The following AGAP1 variants were observed in gnomAD, a reference collection of about 807,000 sequenced individuals.
The protein encoded by AGAP1 is arf-GAP with GTPase, ANK repeat and PH domain-containing protein 1.
Under a neutral mutation model 105.3 loss-of-function variants are expected in AGAP1, and 29 were observed. That is an observed-to-expected ratio of 0.28 (90% CI 0.21 to 0.38). The LOEUF (loss-of-function observed/expected upper bound fraction) is 0.38, where lower values mean the gene tolerates loss of function less well. Ranked by LOEUF, AGAP1 falls within the 10% of genes least tolerant of loss-of-function variation. AGAP1 has a pLI of 1.00. For synonymous variants in AGAP1, 509 were observed against 485.9 expected, an observed-to-expected ratio of 1.05 and a Z score of -0.63; for missense variants, 998 against 1,165.1, an observed-to-expected ratio of 0.86 and a Z score of 2.09.
rs766718695 is a variant in AGAP1, at chr2:235,877,985, C to T, written c.1051-5360C>T. ...CTATGGCAGGGCCCAGACATTCAGG[C>T]ACCTCCAGGGCCAGGCAGGAAGTGG... On this transcript the variant is annotated intron_variant, in intron 9 of 17. Transcript: ENST00000304032. The surrounding 1 kb of genome is among the most constrained non-coding windows in gnomAD (Gnocchi z 4.3). Among the ~76,000 whole-genome samples, 1 of 152,222 alleles carries T rather than the reference C, an allele frequency of 6.6e-6. No homozygotes were observed. The highest frequency in any genetic ancestry group is 1.5e-5 in the Non-Finnish European group (1 of 68,034).
chr2:235,940,958 G>A (rs2053231309), intron 12 of AGAP1, among the ~76,000 whole-genome samples: 2 of 152,142 alleles, frequency 1.3e-5, no homozygotes, highest in South Asian at 4.1e-4. Context: ...AGTGGTGGCA[G>A]GGGTGGGGTG....
intron 9 of AGAP1, among the ~76,000 whole-genome samples, chr2:235,841,502 A>G (rs899764603): frequency 1.3e-5 from 2 of 152,020 alleles, no homozygotes; most frequent in Non-Finnish European, 2.9e-5. Context: ...GGTGGTGTGC[A>G]CCTGTGGTCC....
chr2:235,938,098 C>T (rs1452419167), intron 12 of AGAP1, among the ~76,000 whole-genome samples: 1 of 152,260 alleles, frequency 6.6e-6, no homozygotes, highest in Non-Finnish European at 1.5e-5. Context: ...CCTGGCGGCA[C>T]GGCCGGTTCA....
rs539692705 is a variant in AGAP1, at chr2:235,801,866, T to C, written c.957+2344T>C. Among the ~76,000 whole-genome samples the C allele has an allele frequency of 4.6e-5, 7 of 152,138 alleles. No homozygotes were observed. The South Asian group carries it at 1.2e-3, about 27-fold the overall frequency. On this transcript the variant is annotated intron_variant, in intron 8 of 17. Transcript: ENST00000304032. This position sits in a 1 kb window ranked among gnomAD's most constrained non-coding sequence, Gnocchi z 6.0. ...TGCTTGTTGACTTTGCTTTCTCTTT[T>C]AAGGAGAGAAATTTTAAAACCACAA...
intron 9 of AGAP1, chr2:235,852,623 G>T: frequency 3.0e-6 from 4 of 1,349,560 alleles, no homozygotes; most frequent in Non-Finnish European, 3.9e-6. Flanking sequence ...TAATTAATTA[G>T]CCATAACCCT....
chr2:235,874,301 G>C lies in AGAP1; in HGVS notation c.1051-9044G>C, dbSNP rs1327469573. 1.3e-5 allele frequency among the ~76,000 whole-genome samples: 2 copies of C among 151,058 alleles called. No homozygotes were observed. The highest frequency in any genetic ancestry group is 3.0e-5 in the Non-Finnish European group (2 of 67,736). ...CCTGACCTTGTGATCTGCCGGCCTCGGCCTCCCAAAGTGCTGGGGTTACAG... is the reference window on the plus strand; with the variant it reads ...CCTGACCTTGTGATCTGCCGGCCTCCGCCTCCCAAAGTGCTGGGGTTACAG... On this transcript the variant is annotated intron_variant, in intron 9 of 17. Transcript: ENST00000304032. The surrounding 1 kb of genome is among the most constrained non-coding windows in gnomAD (Gnocchi z 4.5).
intron 9 of AGAP1, among the ~76,000 whole-genome samples, chr2:235,856,735 C>G (rs934174756): frequency 2.0e-5 from 3 of 152,238 alleles, no homozygotes; most frequent in Non-Finnish European, 4.4e-5. Context: ...GCCATGAGCA[C>G]AGGAGTTGGA....
In AGAP1 at chr2:235,973,178, C is replaced by G. The variant is rs2054724146; in HGVS notation, c.1645+4555C>G. 6.6e-6 allele frequency among the ~76,000 whole-genome samples: 1 copy of G among 152,146 alleles called. No homozygotes were observed. The highest frequency in any genetic ancestry group is 6.5e-5 in the Admixed American group (1 of 15,274). ...GGCCGTTCCTGCCCTGGAGTTTCTCCCTGCGCAGGTGCTCGCTGTGCTCTT... is the reference window on the plus strand; with the variant it reads ...GGCCGTTCCTGCCCTGGAGTTTCTCGCTGCGCAGGTGCTCGCTGTGCTCTT... On this transcript the variant is annotated intron_variant, in intron 13 of 17. Coordinates refer to ENST00000304032, the MANE Select transcript of AGAP1 (RefSeq NM_001037131.3). This position sits in a 1 kb window ranked among gnomAD's most constrained non-coding sequence, Gnocchi z 4.7.
chr2:235,756,833 G>A (rs1303027551), intron 6 of AGAP1, among the ~76,000 whole-genome samples: 1 of 152,102 alleles, frequency 6.6e-6, no homozygotes, highest in Non-Finnish European at 1.5e-5. Context: ...GAGCTGAGGT[G>A]GAACCGTTTC....
At chr2:235,779,014 G>A (rs1956089026) in intron 6 of AGAP1, among the ~76,000 whole-genome samples, 1 of 152,206 alleles carries the variant, frequency 6.6e-6, no homozygotes, top group African/African-American at 2.4e-5. Context: ...AGGAAACTGA[G>A]CCACAAAAGG....
Position 236,089,100 on chromosome 2 carries a change from G to T in AGAP1, c.2115-31092G>T, listed in dbSNP as rs190728040. Among the ~76,000 whole-genome samples, 8 of 152,316 alleles carry T rather than the reference G, an allele frequency of 5.3e-5. No individual in the cohort carries two copies. In the East Asian group the frequency reaches 1.5e-3, roughly 29 times the overall value. On this transcript the variant is annotated intron_variant, in intron 16 of 17. Coordinates refer to ENST00000304032, the MANE Select transcript of AGAP1 (RefSeq NM_001037131.3). The surrounding 1 kb of genome is among the most constrained non-coding windows in gnomAD (Gnocchi z 5.6). ...AGTGGGATGCCACAGTTGCGGCAGA[G>T]AATATCCAAAAGGAAAGGGTCCAAG...
At position 235,868,629 on chromosome 2, in the gene AGAP1, C is replaced by A. The variant is rs139690299; in HGVS notation, c.1051-14716C>A. 8.0e-3 allele frequency among the ~76,000 whole-genome samples: 1,222 copies of A among 152,228 alleles called. 17 individuals are homozygous for A. Among genetic ancestry groups the A allele is most frequent in the African/African-American group, 0.028 (1,163 of 41,528 alleles). ...AAAGACTGATTTGCCTGGTTAAGAC[C>A]CCCAGTCTCTAATGCAGTCAATAAA... is the stretch of plus-strand genomic sequence containing the variant. On this transcript the variant is annotated intron_variant, in intron 9 of 17. Transcript: ENST00000304032.
chr2:236,121,898 A>G lies in AGAP1; in HGVS notation c.2370+1451A>G, dbSNP rs187691873. On this transcript the variant is annotated intron_variant, in intron 17 of 17. Coordinates refer to ENST00000304032, the MANE Select transcript of AGAP1 (RefSeq NM_001037131.3). The surrounding 1 kb of genome is among the most constrained non-coding windows in gnomAD (Gnocchi z 4.9). ...GCTGGTAGACGGCCGCCCTCTCCCTATGTTCTCACAGGGCCTTTCCTCTGC... is the reference window on the plus strand; with the variant it reads ...GCTGGTAGACGGCCGCCCTCTCCCTGTGTTCTCACAGGGCCTTTCCTCTGC... Among the ~76,000 whole-genome samples the G allele has an allele frequency of 5.3e-4, 81 of 152,050 alleles. No individual in the cohort carries two copies. The highest frequency in any genetic ancestry group is 8.1e-4 in the Non-Finnish European group (55 of 67,982).
chr2:235,836,928 G>A (rs973221804), intron 9 of AGAP1, among the ~76,000 whole-genome samples: 5 of 152,020 alleles, frequency 3.3e-5, no homozygotes, highest in Non-Finnish European at 7.4e-5. Flanking sequence ...TGTAAAACTG[G>A]AGATCACAAC....
chr2:235,527,413 T>A (rs1942880048), intron 1 of AGAP1, among the ~76,000 whole-genome samples: 1 of 152,174 alleles, frequency 6.6e-6, no homozygotes, highest in African/African-American at 2.4e-5. Flanking sequence ...CTCTGTTGCT[T>A]AGGCTAGAGT....
chr2:235,504,165 A>C (rs1941687682), intron 1 of AGAP1, among the ~76,000 whole-genome samples: 1 of 151,836 alleles, frequency 6.6e-6, no homozygotes, highest in Admixed American at 6.6e-5. Flanking sequence ...TTTTTTTGAC[A>C]CATAACAGAG....
At chr2:235,667,889 G>A (rs1211109907) in intron 1 of AGAP1, among the ~76,000 whole-genome samples, 3 of 150,356 alleles carry the variant, frequency 2.0e-5, no homozygotes, top group South Asian at 2.1e-4. Flanking sequence ...AACCCAGGAG[G>A]TGGAGGTTGC....
Position 235,835,411 on chromosome 2 carries a change from G to T in AGAP1, c.1050+28080G>T, listed in dbSNP as rs556005262. ...ACCTGGCAGAGAGGCTCCTCAGCTTGGAGCGTTTTTCTTCCTTCATCTACG... is the reference window on the plus strand; with the variant it reads ...ACCTGGCAGAGAGGCTCCTCAGCTTTGAGCGTTTTTCTTCCTTCATCTACG... On this transcript the variant is annotated intron_variant, in intron 9 of 17. Coordinates refer to ENST00000304032, the MANE Select transcript of AGAP1 (RefSeq NM_001037131.3). Among the ~76,000 whole-genome samples, 23 of 152,322 alleles carry T rather than the reference G, an allele frequency of 1.5e-4. 1 individual carries two copies. The South Asian group carries it at 3.7e-3, about 25-fold the overall frequency.
chr2:235,632,597 G>C (rs1197745214), intron 1 of AGAP1, among the ~76,000 whole-genome samples: 1 of 152,142 alleles, frequency 6.6e-6, no homozygotes, highest in African/African-American at 2.4e-5. Context: ...TGCTGAAATC[G>C]GGCTGGGGTC....
Sources: gnomAD v4.1 joint callset for allele counts (sites outside exome capture counted in the v4.1 genomes callset) on GRCh38, gnomAD v4.1.1 for gene constraint, Gnocchi (gnomAD v3.1) non-coding constraint, MANE v1.5 for transcripts, NCBI Gene and HGNC (gene_info 2026-07-23, HGNC 2026-07-21) for gene names.